Variants in IL23R observed in about 807,000 individuals in gnomAD.
The protein encoded by IL23R is interleukin 23 receptor.
A neutral mutation model predicts 56.9 loss-of-function variants in IL23R; 34 were observed. The ratio of observed to expected loss-of-function variants is 0.60; its 90% CI spans 0.45 to 0.80. IL23R has a LOEUF of 0.80. Ranked by LOEUF, IL23R falls within the 30% of genes least tolerant of loss-of-function variation. The pLI is 0.00. For missense variants in IL23R, 635 were observed against 730.0 expected (o/e 0.87, Z 1.50); for synonymous variants, 230 against 249.2 (o/e 0.92, Z 0.73).
intron 6 of IL23R, among the ~76,000 whole-genome samples, chr1:67,218,488 A>G (rs908884559): frequency 6.6e-5 from 10 of 151,968 alleles, no homozygotes; most frequent in Admixed American, 6.6e-4. Context: ...AAATTATTTC[A>G]TCATTCAGGA....
At chr1:67,205,781 C>G (rs1160162486) in intron 5 of IL23R, among the ~76,000 whole-genome samples, 1 of 152,136 alleles carries the variant, frequency 6.6e-6, no homozygotes, top group East Asian at 1.9e-4. Context: ...GAGAACAAAA[C>G]AAGTTAGCAA....
chr1:67,264,518 G>A (rs184702302), downstream of IL23R, among the ~76,000 whole-genome samples: 208 of 152,172 alleles, frequency 1.4e-3, 1 homozygote, highest in Admixed American at 5.4e-3. Context: ...TTGGGTAAAA[G>A]AATGAAAACA....
intron 7 of IL23R, among the ~76,000 whole-genome samples, chr1:67,223,228 T>C (rs1650417057): frequency 6.6e-6 from 1 of 152,088 alleles, no homozygotes; most frequent in Admixed American, 6.6e-5. Context: ...CACTCCAGCC[T>C]GGGTGACAGA....
At chr1:67,209,511 C>T (rs1001023861) in intron 6 of IL23R, among the ~76,000 whole-genome samples, 1 of 152,178 alleles carries the variant, frequency 6.6e-6, no homozygotes, top group Non-Finnish European at 1.5e-5. Flanking sequence ...ATGCATTTAT[C>T]AGGGGTTTCC....
chr1:67,236,877 T>C, intron 8 of IL23R, 75 bp downstream of exon 8: 1 of 933,958 alleles, frequency 1.1e-6, no homozygotes, highest in Non-Finnish European at 1.8e-6. Context: ...ACTGAAAAAA[T>C]CACATCAGGT....
intron 9 of IL23R, among the ~76,000 whole-genome samples, chr1:67,246,438 T>C (rs539156615): frequency 5.3e-5 from 8 of 152,234 alleles, no homozygotes; most frequent in Non-Finnish European, 1.0e-4. Flanking sequence ...AGCTTTGTGA[T>C]GTGGGCATTT....
chr1:67,204,175 TG>T (rs1277223502), intron 5 of IL23R, among the ~76,000 whole-genome samples: 4 of 152,196 alleles, frequency 2.6e-5, no homozygotes. Flanking sequence ...GCCATTCTCC[TG>T]CCTCAGCCTC....
intron 7 of IL23R, among the ~76,000 whole-genome samples, chr1:67,224,105 A>T (rs1650469099): frequency 6.6e-6 from 1 of 152,200 alleles, no homozygotes; most frequent in African/African-American, 2.4e-5. Context: ...TGAGCAAAGG[A>T]GACAAAATTC....
intron 7 of IL23R, among the ~76,000 whole-genome samples, chr1:67,236,211 AAC>A (rs1418655857): frequency 6.6e-6 from 1 of 152,234 alleles, no homozygotes; most frequent in Non-Finnish European, 1.5e-5. Context: ...CAGGTGTTAC[AAC>A]ACCAAAGTGC....
chr1:67,199,355 C>T (rs1648431990), intron 4 of IL23R, among the ~76,000 whole-genome samples: 2 of 152,116 alleles, frequency 1.3e-5, no homozygotes, highest in Admixed American at 1.3e-4. Context: ...CGATCTCTCA[C>T]CCCATCCTGA....
chr1:67,235,901 C>T (rs893568821), intron 7 of IL23R, among the ~76,000 whole-genome samples: 1 of 152,130 alleles, frequency 6.6e-6, no homozygotes, highest in Non-Finnish European at 1.5e-5. Context: ...TGACGGAATA[C>T]ACAGGGCTTG....
At chr1:67,233,467 C>T (rs1009536081) in intron 7 of IL23R, among the ~76,000 whole-genome samples, 3 of 152,064 alleles carry the variant, frequency 2.0e-5, no homozygotes, top group Admixed American at 6.6e-5. Flanking sequence ...TTGGCATCAT[C>T]CTTAAAATAC....
chr1:67,188,690 A>G (rs1647527695), intron 4 of IL23R, among the ~76,000 whole-genome samples: 1 of 152,234 alleles, frequency 6.6e-6, no homozygotes, highest in South Asian at 2.1e-4. Context: ...GAGGCTAGGA[A>G]GTCCCAGATC....
chr1:67,144,127 A>G (rs1646660474), intron 1 of IL23R, among the ~76,000 whole-genome samples: 1 of 152,232 alleles, frequency 6.6e-6, no homozygotes, highest in Admixed American at 6.5e-5. Flanking sequence ...TGGTGAAGCT[A>G]CTGTTACTAT....
At chr1:67,173,917 C>A (rs1490864630) in intron 3 of IL23R, among the ~76,000 whole-genome samples, 1 of 152,088 alleles carries the variant, frequency 6.6e-6, no homozygotes. Context: ...CATTTTGCAA[C>A]CTGCTTTTTT....
chr1:67,216,232 G>A (rs555670668), intron 6 of IL23R, among the ~76,000 whole-genome samples: 4 of 152,260 alleles, frequency 2.6e-5, no homozygotes, highest in African/African-American at 7.2e-5. Context: ...CTCTTTAACT[G>A]TGAACTCATG....
intron 9 of IL23R, among the ~76,000 whole-genome samples, chr1:67,243,136 G>A (rs1382883783): frequency 1.3e-5 from 2 of 152,082 alleles, no homozygotes; most frequent in African/African-American, 2.4e-5. Flanking sequence ...GGTTCTCCAC[G>A]AGTCCATGCT....
intron 1 of IL23R, among the ~76,000 whole-genome samples, chr1:67,157,403 T>C (rs560461729): frequency 6.6e-6 from 1 of 152,330 alleles, no homozygotes; most frequent in Admixed American, 6.5e-5. Context: ...CCAGAATCTG[T>C]AGAATAAAAT....
intron 6 of IL23R, among the ~76,000 whole-genome samples, chr1:67,215,684 G>T (rs945233249): frequency 2.0e-5 from 3 of 152,200 alleles, no homozygotes; most frequent in African/African-American, 4.8e-5. Context: ...TCCACCTGCT[G>T]CTGGAACCAG....
Sources: gnomAD v4.1 joint callset for allele counts (sites outside exome capture counted in the v4.1 genomes callset) on GRCh38, gnomAD v4.1.1 for gene constraint, MANE v1.5 for transcripts, NCBI Gene and HGNC (gene_info 2026-07-23, HGNC 2026-07-21) for gene names.